The following CMTM6 variants were observed in gnomAD, a reference collection of about 807,000 sequenced individuals.
CMTM6 encodes the protein CKLF like MARVEL transmembrane domain containing 6.
A neutral mutation model predicts 13.6 loss-of-function variants in CMTM6; 5 were observed. The ratio of observed to expected loss-of-function variants is 0.37; its 90% CI spans 0.19 to 0.77. The LOEUF (loss-of-function observed/expected upper bound fraction) is 0.77, where lower values mean the gene tolerates loss of function less well. CMTM6 is among the 30% of genes least tolerant of loss of function. The probability of loss-of-function intolerance (pLI) is 0.50; values close to 1 mark genes in which losing one functional copy is unlikely to be tolerated. For missense variants in CMTM6, 196 were observed against 218.6 expected, an observed-to-expected ratio of 0.90 and a Z score of 0.65; for synonymous variants, 99 against 84.5, an observed-to-expected ratio of 1.17 and a Z score of -0.94.
At chr3:32,484,435 T>C (rs1395672046) in intron 3 of CMTM6, among the ~76,000 whole-genome samples, 1 of 152,196 alleles carries the variant, frequency 6.6e-6, no homozygotes, top group Non-Finnish European at 1.5e-5. Flanking sequence ...CAAAAATATT[T>C]GCATGGTTAG....
chr3:32,495,990 A>C (rs113575382), intron 1 of CMTM6, among the ~76,000 whole-genome samples: 3,144 of 152,144 alleles, frequency 0.021, 47 homozygotes, highest in South Asian at 0.042. Context: ...CTTCTGGCCA[A>C]CCTGGTTCAA....
intron 1 of CMTM6, among the ~76,000 whole-genome samples, chr3:32,501,134 G>A (rs917955998): frequency 1.6e-4 from 24 of 146,398 alleles, no homozygotes; most frequent in Admixed American, 4.8e-4. Context: ...AGGTTTCAGT[G>A]AGCCGAGATT....
chr3:32,502,075 A>G (rs1697349612), intron 1 of CMTM6, among the ~76,000 whole-genome samples: 1 of 152,240 alleles, frequency 6.6e-6, no homozygotes, highest in African/African-American at 2.4e-5. Flanking sequence ...TTTTCCAGTC[A>G]ATATAAAACT....
Position 32,482,847 on chromosome 3 carries a change from T to G in CMTM6, c.*1113A>C, listed in dbSNP as rs949965108. The G allele has an allele frequency of 6.7e-6, 1 of 148,618 alleles. No homozygotes were observed. The highest frequency in any genetic ancestry group is 2.0e-4 in the East Asian group (1 of 4,978). 9.2% of individuals were successfully genotyped at this position (148,618 alleles called of 1,614,324 possible). Reference sequence around the variant, plus strand: ...AGATTCAGGACCACCTAAAGACAACTGACAAAAAGTGTCAGAGCCAGAGGC... The same window carrying G: ...AGATTCAGGACCACCTAAAGACAACGGACAAAAAGTGTCAGAGCCAGAGGC... On this transcript the variant is annotated 3_prime_UTR_variant, in exon 4 of 4. Coordinates refer to ENST00000205636, the MANE Select transcript of CMTM6 (RefSeq NM_017801.3).
In CMTM6 at chr3:32,488,044, T is replaced by C. The variant is rs1374271388; in HGVS notation, c.316-8A>G. 3 of 1,572,676 alleles carry C rather than the reference T, an allele frequency of 1.9e-6. No homozygotes were observed. The East Asian group carries it at 6.7e-5, about 35-fold the overall frequency. ...CAAAGTAATATAAAAATCCTATGCA[T>C]ACATACAAAACACAAAAGGAATACA... On this transcript the variant is annotated splice_polypyrimidine_tract_variant and splice_region_variant and intron_variant, in intron 2 of 3. Coordinates refer to ENST00000205636, the MANE Select transcript of CMTM6 (RefSeq NM_017801.3).
In CMTM6 at chr3:32,481,541, T is replaced by C. The variant is rs1044629160; in HGVS notation, c.*2419A>G. On this transcript the variant is annotated 3_prime_UTR_variant, in exon 4 of 4. Transcript: ENST00000205636. ...TGAGAACCATTCTAAGCAATCTATT[T>C]GTATAAAATATAAAATTTATCATAA... is the stretch of plus-strand genomic sequence containing the variant. 5.3e-5 allele frequency: 8 copies of C among 152,176 alleles called. No individual in the cohort carries two copies. The highest frequency in any genetic ancestry group is 1.2e-4 in the Non-Finnish European group (8 of 68,034). The allele number at this position is 152,176 out of a possible 1,614,324, so 9.4% of individuals were successfully genotyped here.
rs925117675 is a variant in CMTM6, at chr3:32,481,737, C to T, written c.*2223G>A. 1 of 152,100 alleles carries T rather than the reference C, an allele frequency of 6.6e-6. No individual in the cohort carries two copies. The highest frequency in any genetic ancestry group is 2.4e-5 in the African/African-American group (1 of 41,400). The allele number at this position is 152,100 out of a possible 1,614,324, so 9.4% of individuals were successfully genotyped here. ...AAAGAAAGGCTAACCATTCATGGGTCCCATAAAAAACAATGTGAAGGAAGG... is the reference window on the plus strand; with the variant it reads ...AAAGAAAGGCTAACCATTCATGGGTTCCATAAAAAACAATGTGAAGGAAGG... On this transcript the variant is annotated 3_prime_UTR_variant, in exon 4 of 4. Coordinates refer to ENST00000205636, the MANE Select transcript of CMTM6 (RefSeq NM_017801.3).
At position 32,491,728 on chromosome 3, in the gene CMTM6, G is replaced by A. The variant is rs1450107213; in HGVS notation, c.297C>T (p.Thr99=). ...TGCTTACCGATGATTTTACTTTTGT[G>A]GTATCAACTCTCTCATAAAATGGAG... The part of the protein sequence containing the change: ...YCTPFYERVD[T]TKVKSSDFYI... Residue 99 remains threonine (T), a synonymous_variant, in exon 2 of 4, where the codon ACC becomes ACT. Transcript: ENST00000205636. The A allele has an allele frequency of 1.3e-6, 2 of 1,594,718 alleles. No individual in the cohort carries two copies. The highest frequency in any genetic ancestry group is 1.1e-5 in the South Asian group (1 of 88,018).
intron 2 of CMTM6, 129 bp downstream of exon 2, chr3:32,491,581 G>A (rs996972655): frequency 6.7e-6 from 5 of 742,728 alleles, no homozygotes; most frequent in Middle Eastern, 4.2e-4. Flanking sequence ...TAGAAGCAGA[G>A]CGAGTTGGAA....
At chr3:32,485,981 G>C (rs961358760) in intron 3 of CMTM6, among the ~76,000 whole-genome samples, 1 of 152,150 alleles carries the variant, frequency 6.6e-6, no homozygotes, top group African/African-American at 2.4e-5. Context: ...CGGTTCAAGC[G>C]ATTTTCCTGC....
Position 32,483,821 on chromosome 3 carries a change from A to C in CMTM6, c.*139T>G. 3.5e-6 allele frequency: 3 copies of C among 869,134 alleles called. No individual in the cohort carries two copies. The highest frequency in any genetic ancestry group is 4.8e-6 in the Non-Finnish European group (3 of 621,792). 53.8% of individuals were successfully genotyped at this position (869,134 alleles called of 1,614,324 possible). A position where few individuals can be genotyped will look rare whatever the true frequency, so the allele number is the denominator to read the frequency against. Reference sequence around the variant, plus strand: ...TGTGGTGACTGACACAATATTGATAAAACTGCCTTCTTGACCTTCCCCTTG... The same window carrying C: ...TGTGGTGACTGACACAATATTGATACAACTGCCTTCTTGACCTTCCCCTTG... On this transcript the variant is annotated 3_prime_UTR_variant, in exon 4 of 4. Transcript: ENST00000205636.
chr3:32,489,693 A>C (rs1054108050), intron 2 of CMTM6, among the ~76,000 whole-genome samples: 6 of 152,064 alleles, frequency 3.9e-5, no homozygotes, highest in African/African-American at 1.2e-4. Flanking sequence ...CTGCTTCTAA[A>C]AGGTGTTTCC....
At chr3:32,485,343 G>GTCAC (rs1697193830) in intron 3 of CMTM6, among the ~76,000 whole-genome samples, 1 of 151,690 alleles carries the variant, frequency 6.6e-6, no homozygotes, top group South Asian at 2.1e-4. Context: ...TAAACTACCT[G>GTCAC]TCACTATTAA....
intron 2 of CMTM6, among the ~76,000 whole-genome samples, chr3:32,490,831 A>T (rs1455788268): frequency 6.6e-6 from 1 of 152,106 alleles, no homozygotes; most frequent in Non-Finnish European, 1.5e-5. Context: ...TTTAATATAA[A>T]TTTTTCCAGC....
At chr3:32,499,835 C>T (rs1273470231) in intron 1 of CMTM6, among the ~76,000 whole-genome samples, 1 of 112,334 alleles carries the variant, frequency 8.9e-6, no homozygotes, top group East Asian at 2.1e-4. Flanking sequence ...ACAGGCTCCA[C>T]TCTCTATCCC....
At chr3:32,494,990 C>T (rs1262831541) in intron 1 of CMTM6, among the ~76,000 whole-genome samples, 3 of 150,612 alleles carry the variant, frequency 2.0e-5, no homozygotes, top group Non-Finnish European at 4.4e-5. Flanking sequence ...CATGCACATA[C>T]AAATGTGGGA....
intron 1 of CMTM6, among the ~76,000 whole-genome samples, chr3:32,492,418 C>A (rs1207675025): frequency 6.6e-6 from 1 of 152,090 alleles, no homozygotes; most frequent in African/African-American, 2.4e-5. Flanking sequence ...AATGGCAGCA[C>A]AAAAATTAGT....
intron 1 of CMTM6, among the ~76,000 whole-genome samples, chr3:32,493,817 C>T (rs1559425100): frequency 6.6e-6 from 1 of 152,166 alleles, no homozygotes. Flanking sequence ...AAGAACAACA[C>T]TGAAACACCT....
At chr3:32,497,592 G>T (rs1182378326) in intron 1 of CMTM6, among the ~76,000 whole-genome samples, 1 of 151,426 alleles carries the variant, frequency 6.6e-6, no homozygotes, top group Non-Finnish European at 1.5e-5. Flanking sequence ...GGGCGCGGTG[G>T]CTCACGCCTG....
Sources: gnomAD v4.1 joint callset for allele counts (sites outside exome capture counted in the v4.1 genomes callset) on GRCh38, gnomAD v4.1.1 for gene constraint, MANE v1.5 for transcripts, NCBI Gene and HGNC (gene_info 2026-07-23, HGNC 2026-07-21) for gene names.